Variants in PTN observed in about 807,000 individuals in gnomAD.
PTN encodes heparin affin regulatory protein.
PTN carries 18 observed loss-of-function variants against 24.1 expected under a neutral mutation model. The ratio of observed to expected loss-of-function variants is 0.75; its 90% CI spans 0.52 to 1.11. The LOEUF (loss-of-function observed/expected upper bound fraction) is 1.11, where lower values mean the gene tolerates loss of function less well. Among genes scored for constraint, PTN ranks in the 50% least tolerant of loss-of-function variants. The probability of loss-of-function intolerance (pLI) is 0.00; values close to 1 mark genes in which losing one functional copy is unlikely to be tolerated. For synonymous variants in PTN, 78 were observed against 68.6 expected (o/e 1.14, Z -0.67); for missense variants, 163 against 198.8 (o/e 0.82, Z 1.08).
intron 1 of PTN, among the ~76,000 whole-genome samples, chr7:137,297,362 T>C (rs1488690451): frequency 6.6e-6 from 1 of 152,098 alleles, no homozygotes; most frequent in African/African-American, 2.4e-5. Context: ...ATGGAAGTTT[T>C]ACACAGCAGC....
chr7:137,250,372 C>A (rs1808802696), intron 4 of PTN, among the ~76,000 whole-genome samples: 1 of 152,174 alleles, frequency 6.6e-6, no homozygotes, highest in Non-Finnish European at 1.5e-5. Context: ...ACAGTCTTCT[C>A]TCTATGTATT....
intron 4 of PTN, among the ~76,000 whole-genome samples, chr7:137,240,757 G>T (rs1029950868): frequency 6.6e-6 from 1 of 152,174 alleles, no homozygotes; most frequent in African/African-American, 2.4e-5. Flanking sequence ...GTCAGGGTGG[G>T]TCTAAAATTC....
At chr7:137,308,969 AAAGAAAAAAT>A (rs773081699) in intron 1 of PTN, among the ~76,000 whole-genome samples, 4 of 152,228 alleles carry the variant, frequency 2.6e-5, no homozygotes, top group Non-Finnish European at 5.9e-5. Context: ...GTTGGGACTG[AAAGAAAAAAT>A]AAGAAAGACA....
chr7:137,236,499 G>C (rs1808523859), intron 4 of PTN, among the ~76,000 whole-genome samples: 1 of 152,026 alleles, frequency 6.6e-6, no homozygotes, highest in Non-Finnish European at 1.5e-5. Flanking sequence ...CACAGACAGA[G>C]AGAGAGAAAA....
At chr7:137,296,940 A>C (rs1809728154) in intron 1 of PTN, among the ~76,000 whole-genome samples, 1 of 152,078 alleles carries the variant, frequency 6.6e-6, no homozygotes, top group Admixed American at 6.6e-5. Context: ...AGAGTGTGGA[A>C]AGTGGAGCTA....
rs113266553 is a variant in PTN at position 137,245,609 on chromosome 7, TA to T, written c.451+5620del. On this transcript the variant is annotated intron_variant, in intron 4 of 4. Transcript: ENST00000348225. ...TTTAGAGTGTATTCCTTCTTCTTAGTAAAAAAAAAAAGTTAACTGTAAAACA... is the reference window on the plus strand; with the variant it reads ...TTTAGAGTGTATTCCTTCTTCTTAGTAAAAAAAAAAGTTAACTGTAAAACA... 3.1e-4 allele frequency among the ~76,000 whole-genome samples: 45 copies of T among 147,154 alleles called. No individual in the cohort carries two copies. In the South Asian group the frequency reaches 3.5e-3, roughly 11 times the overall value.
Position 137,281,543 on chromosome 7 carries a change from C to A in PTN, c.-1-26569G>T, listed in dbSNP as rs189246382. On this transcript the variant is annotated intron_variant, in intron 1 of 4. Coordinates refer to ENST00000348225, the MANE Select transcript of PTN (RefSeq NM_002825.7). ...GAAATGCAGACTCTCAAGCCTTACTCCAGCACTTTTGAATGAGAATTTCCA... is the reference window on the plus strand; with the variant it reads ...GAAATGCAGACTCTCAAGCCTTACTACAGCACTTTTGAATGAGAATTTCCA... 5.8e-3 allele frequency among the ~76,000 whole-genome samples: 886 copies of A among 152,326 alleles called. 11 individuals carry two copies. Among genetic ancestry groups the A allele is most frequent in the South Asian group, 0.042 (204 of 4,832 alleles).
intron 1 of PTN, among the ~76,000 whole-genome samples, chr7:137,297,503 A>G (rs1809737285): frequency 1.3e-5 from 2 of 152,058 alleles, no homozygotes; most frequent in South Asian, 4.1e-4. Flanking sequence ...GTTGGAACAT[A>G]CTGAGATGAG....
intron 1 of PTN, among the ~76,000 whole-genome samples, chr7:137,329,826 G>C (rs1280394767): frequency 1.3e-5 from 2 of 152,170 alleles, no homozygotes; most frequent in Non-Finnish European, 2.9e-5. Flanking sequence ...TATTCAGGAA[G>C]TGGTAAAGTG....
intron 1 of PTN, among the ~76,000 whole-genome samples, chr7:137,268,484 G>A (rs138819688): frequency 0.025 from 3,874 of 152,208 alleles, 175 homozygotes; most frequent in African/African-American, 0.089. Context: ...CCTTTTAAGG[G>A]CTAACAACTC....
At chr7:137,330,163 T>C (rs1810326164) in intron 1 of PTN, among the ~76,000 whole-genome samples, 1 of 152,070 alleles carries the variant, frequency 6.6e-6, no homozygotes, top group Admixed American at 6.6e-5. Flanking sequence ...AACATGGGCC[T>C]GTAATCCCAG....
chr7:137,335,050 G>A (rs1447998378), intron 1 of PTN, among the ~76,000 whole-genome samples: 1 of 115,116 alleles, frequency 8.7e-6, no homozygotes, highest in African/African-American at 3.4e-5. Flanking sequence ...TTGTGGGGTG[G>A]GGGGAGGGGG....
intron 1 of PTN, among the ~76,000 whole-genome samples, chr7:137,265,144 A>C (rs1809118279): frequency 6.6e-6 from 1 of 152,136 alleles, no homozygotes. Context: ...TCACCTACTA[A>C]AATATTGAAT....
chr7:137,244,829 G>T (rs1268598545), intron 4 of PTN, among the ~76,000 whole-genome samples: 1 of 152,122 alleles, frequency 6.6e-6, no homozygotes. Flanking sequence ...ACCTCAAGAA[G>T]TAATGCTGTT....
At chr7:137,337,678 C>T (rs1810470946) in intron 1 of PTN, among the ~76,000 whole-genome samples, 1 of 152,136 alleles carries the variant, frequency 6.6e-6, no homozygotes, top group South Asian at 2.1e-4. Flanking sequence ...ATTAGGAAGA[C>T]ACTGTAGAGA....
chr7:137,245,292 G>A (rs762299661), intron 4 of PTN, among the ~76,000 whole-genome samples: 1 of 152,182 alleles, frequency 6.6e-6, no homozygotes, highest in Non-Finnish European at 1.5e-5. Flanking sequence ...TAGATTATAC[G>A]TAATACAGTT....
At chr7:137,254,815 C>A in intron 2 of PTN, 44 bp downstream of exon 2, 1 of 1,336,620 alleles carries the variant, frequency 7.5e-7, no homozygotes, top group Non-Finnish European at 1.0e-6. Context: ...ACTAGATGGA[C>A]ATTAATCAAT....
intron 1 of PTN, chr7:137,318,925 A>C (rs1341653700): frequency 6.6e-6 from 1 of 152,184 alleles, no homozygotes; most frequent in Non-Finnish European, 1.5e-5. Context: ...TACCGTCACC[A>C]ACACCAAGAT....
chr7:137,292,293 T>C, intron 1 of PTN, among the ~76,000 whole-genome samples: 1 of 152,148 alleles, frequency 6.6e-6, no homozygotes, highest in East Asian at 1.9e-4. Flanking sequence ...ATAATACTGA[T>C]AGGATTTGGC....
Sources: gnomAD v4.1 joint callset for allele counts (sites outside exome capture counted in the v4.1 genomes callset) on GRCh38, gnomAD v4.1.1 for gene constraint, MANE v1.5 for transcripts, NCBI Gene and HGNC (gene_info 2026-07-23, HGNC 2026-07-21) for gene names.